The following LSP1 variants were observed in gnomAD, a reference collection of about 807,000 sequenced individuals.
The protein encoded by LSP1 is lymphocyte-specific protein 1.
Under a neutral mutation model 49.3 loss-of-function variants are expected in LSP1, and 32 were observed. The observed-to-expected ratio is 0.65, with a 90% CI of 0.49 to 0.87. The LOEUF (loss-of-function observed/expected upper bound fraction) is 0.87. LSP1 is among the 40% of genes least tolerant of loss of function. The pLI, the probability that LSP1 is intolerant of heterozygous loss-of-function variation, is 0.00. For synonymous variants in LSP1, 179 were observed against 178.8 expected, an observed-to-expected ratio of 1.00 and a Z score of -0.01; for missense variants, 428 against 442.6, an observed-to-expected ratio of 0.97 and a Z score of 0.30.
At chr11:1,871,035 T>C (rs956557854) in intron 1 of LSP1, 1 of 985,434 alleles carries the variant, frequency 1.0e-6, no homozygotes, top group Non-Finnish European at 1.2e-6. Flanking sequence ...GGGCTGCATG[T>C]AGACGCATGC....
At chr11:1,891,685 C>G (rs892528235) in intron 10 of LSP1, 88 bp from the exon 11 acceptor site, 2 of 152,918 alleles carry the variant, frequency 1.3e-5, no homozygotes, top group African/African-American at 2.4e-5. Context: ...GCTCGGGGAG[C>G]AGGCTCTGTG....
chr11:1,874,141 G>GGACAGTGGGGGCAGGCCGGA (rs1165674615), intron 1 of LSP1, among the ~76,000 whole-genome samples: 548 of 8,074 alleles, frequency 0.068, 45 homozygotes, highest in South Asian at 0.16. Context: ...GGCAGGCCGG[G>GGACAGTGGGGGCAGGCCGGA]GACAGTGGGG....
chr11:1,879,134 C>T (rs559674519), intron 1 of LSP1, among the ~76,000 whole-genome samples: 6 of 152,216 alleles, frequency 3.9e-5, no homozygotes, highest in South Asian at 4.1e-4. Flanking sequence ...CACCTGAGGT[C>T]GGGAGTTCAG....
intron 1 of LSP1, among the ~76,000 whole-genome samples, chr11:1,865,594 C>A (rs1204521106): frequency 2.1e-5 from 3 of 142,376 alleles, no homozygotes; most frequent in Admixed American, 7.3e-5. Flanking sequence ...ACCTGCACCG[C>A]CGGCTGCACT....
intron 10 of LSP1, chr11:1,890,439 T>C: frequency 1.4e-6 from 1 of 717,266 alleles, no homozygotes; most frequent in East Asian, 2.7e-5. Flanking sequence ...TCCCATCATC[T>C]TCTTCCGGGC....
intron 1 of LSP1, among the ~76,000 whole-genome samples, chr11:1,872,815 G>A (rs1342083779): frequency 2.6e-5 from 4 of 152,056 alleles, no homozygotes; most frequent in South Asian, 4.1e-4. Flanking sequence ...ACCCCGGCCC[G>A]CACTCAGACT....
chr11:1,879,535 C>T (rs11041615), intron 1 of LSP1, among the ~76,000 whole-genome samples: 23,754 of 152,178 alleles, frequency 0.16, 2,510 homozygotes, highest in East Asian at 0.44. Flanking sequence ...CCTGCCTGGA[C>T]GTGCTCAGGC....
chr11:1,886,921 A>G, intron 8 of LSP1, 55 bp downstream of exon 8: 1 of 1,583,192 alleles, frequency 6.3e-7, no homozygotes, highest in Non-Finnish European at 8.6e-7. Context: ...CTGGGAGTTT[A>G]GTAGCAGGCC....
chr11:1,865,783 C>T (rs1847771144), intron 1 of LSP1, among the ~76,000 whole-genome samples: 1 of 151,866 alleles, frequency 6.6e-6, no homozygotes, highest in Non-Finnish European at 1.5e-5. Flanking sequence ...CTTCTGGGGC[C>T]TCCCGTGGGG....
intron 1 of LSP1, among the ~76,000 whole-genome samples, chr11:1,856,215 G>T (rs546889079): frequency 1.3e-5 from 2 of 152,304 alleles, no homozygotes; most frequent in East Asian, 3.9e-4. Context: ...CCTACCCCCA[G>T]TCTGTTCCCC....
chr11:1,873,522 G>GAGGGAGGA (rs1848133021), intron 1 of LSP1, among the ~76,000 whole-genome samples: 1 of 141,460 alleles, frequency 7.1e-6, no homozygotes, highest in Non-Finnish European at 1.6e-5. Context: ...GGGAGGGAGG[G>GAGGGAGGA]AGGAAGGAGG....
intron 10 of LSP1, chr11:1,890,504 C>G (rs1254531361): frequency 7.0e-6 from 5 of 716,798 alleles, no homozygotes; most frequent in Non-Finnish European, 1.3e-5. Flanking sequence ...GCTTGGGCAG[C>G]AGGGGCGGTG....
At chr11:1,870,473 G>T in intron 1 of LSP1, 1 of 1,197,894 alleles carries the variant, frequency 8.3e-7, no homozygotes, top group Non-Finnish European at 1.1e-6. Context: ...AAGCTTCGGG[G>T]AGGGGCCGGT....
At chr11:1,888,415 G>C (rs987155869) in intron 10 of LSP1, among the ~76,000 whole-genome samples, 3 of 152,116 alleles carry the variant, frequency 2.0e-5, no homozygotes, top group African/African-American at 7.2e-5. Flanking sequence ...CATGGCCAGT[G>C]CTGAGACCCT....
intron 1 of LSP1, chr11:1,866,357 G>T: frequency 1.1e-6 from 1 of 940,656 alleles, no homozygotes; most frequent in South Asian, 1.9e-5. Flanking sequence ...ACTCTGAGAG[G>T]CCAGAGAGCC....
intron 1 of LSP1, among the ~76,000 whole-genome samples, chr11:1,858,554 G>A (rs538138500): frequency 6.6e-6 from 1 of 152,202 alleles, no homozygotes; most frequent in African/African-American, 2.4e-5. Flanking sequence ...TAAGGCAATC[G>A]AAGAGGGCTT....
intron 1 of LSP1, chr11:1,864,099 G>A: frequency 2.5e-6 from 2 of 795,914 alleles, no homozygotes; most frequent in Non-Finnish European, 3.0e-6. Context: ...AGGGAGGAGG[G>A]AAGGAGGGAG....
At chr11:1,889,227 G>A in intron 10 of LSP1, 1 of 675,516 alleles carries the variant, frequency 1.5e-6, no homozygotes, top group Non-Finnish European at 2.7e-6. Flanking sequence ...GACTGTGGGA[G>A]GGGGCCGGGT....
At chr11:1,881,303 A>C in intron 2 of LSP1, 129 bp from the exon 3 acceptor site, 1 of 898,108 alleles carries the variant, frequency 1.1e-6, no homozygotes, top group Non-Finnish European at 1.6e-6. Context: ...GCCCAGAGCC[A>C]GCTCTGTGGC....
Sources: gnomAD v4.1 joint callset for allele counts (sites outside exome capture counted in the v4.1 genomes callset) on GRCh38, gnomAD v4.1.1 for gene constraint, MANE v1.5 for transcripts, NCBI Gene and HGNC (gene_info 2026-07-23, HGNC 2026-07-21) for gene names.